DTNB: variants seen among roughly 807,000 people sequenced by gnomAD.
The protein encoded by DTNB is DTN-B.
DTNB carries 63 observed loss-of-function variants against 90.7 expected under a neutral mutation model. That is an observed-to-expected ratio of 0.69 (90% CI 0.57 to 0.86). The LOEUF (loss-of-function observed/expected upper bound fraction) is 0.86, where lower values mean the gene tolerates loss of function less well. Ranked by LOEUF, DTNB falls within the 40% of genes least tolerant of loss-of-function variation. The pLI is 0.00. For missense variants in DTNB, 744 were observed against 807.1 expected (o/e 0.92, Z 0.95); for synonymous variants, 277 against 286.7 (o/e 0.97, Z 0.34).
chr2:25,382,033 C>T (rs1573608736), intron 19 of DTNB, among the ~76,000 whole-genome samples: 1 of 152,246 alleles, frequency 6.6e-6, no homozygotes, highest in African/African-American at 2.4e-5. Flanking sequence ...CTTAGTCTAC[C>T]AGTTCAGCTC....
chr2:25,659,366 T>C (rs773461088), intron 1 of DTNB, among the ~76,000 whole-genome samples: 9 of 151,904 alleles, frequency 5.9e-5, no homozygotes, highest in Non-Finnish European at 1.3e-4. Context: ...CAGTAACAAA[T>C]TCAAAAGAAT....
intron 10 of DTNB, among the ~76,000 whole-genome samples, chr2:25,472,605 C>T (rs527840525): frequency 7.2e-5 from 11 of 152,238 alleles, no homozygotes; most frequent in South Asian, 6.2e-4. Context: ...AAAATTAGGC[C>T]GGGTGCAGTG....
At chr2:25,667,940 G>A (rs1574269051) in intron 1 of DTNB, among the ~76,000 whole-genome samples, 1 of 152,094 alleles carries the variant, frequency 6.6e-6, no homozygotes. Flanking sequence ...ATCATTCGGC[G>A]CTAAAAAGAA....
intron 16 of DTNB, among the ~76,000 whole-genome samples, chr2:25,412,855 T>C (rs2046938792): frequency 6.6e-6 from 1 of 152,128 alleles, no homozygotes; most frequent in South Asian, 2.1e-4. Flanking sequence ...GGGATATTGT[T>C]TGATTGAGGC....
rs1445005692 is a variant in DTNB, at chr2:25,452,944, G to A, written c.1170-1309C>T. Among the ~76,000 whole-genome samples the A allele has an allele frequency of 3.3e-5, 5 of 151,938 alleles. No homozygotes were observed. In the South Asian group the frequency reaches 1.0e-3, roughly 31 times the overall value. ...AATAAGAACAGACTACTATTAGGCG[G>A]CTTTAATATTTTAGGGTCAAGGCCC... On this transcript the variant is annotated intron_variant, in intron 11 of 20. Transcript: ENST00000406818.
chr2:25,506,247 T>C (rs1328711252), intron 9 of DTNB, among the ~76,000 whole-genome samples: 2 of 152,134 alleles, frequency 1.3e-5, no homozygotes, highest in Non-Finnish European at 2.9e-5. Context: ...GGGGTGACTA[T>C]AGTTAACAAT....
Position 25,449,651 on chromosome 2 carries a change from A to T in DTNB, c.1257+1897T>A, listed in dbSNP as rs968209446. ...TGTTCAAGTCTTTTGCTCATTTTTT[A>T]AAAAAGGCTTGTCTTTTTATTGCTG... On this transcript the variant is annotated intron_variant, in intron 12 of 20. Transcript: ENST00000406818. Among the ~76,000 whole-genome samples, 14 of 152,228 alleles carry T rather than the reference A, an allele frequency of 9.2e-5. No homozygotes were observed. In the South Asian group the frequency reaches 1.7e-3, roughly 18 times the overall value.
intron 16 of DTNB, among the ~76,000 whole-genome samples, chr2:25,405,399 G>A (rs1436051829): frequency 1.3e-5 from 2 of 152,116 alleles, no homozygotes; most frequent in Non-Finnish European, 2.9e-5. Context: ...AAATTAGCTG[G>A]TTGTGGCTGC....
At chr2:25,516,003 G>C (rs1271974720) in intron 9 of DTNB, among the ~76,000 whole-genome samples, 1 of 152,214 alleles carries the variant, frequency 6.6e-6, no homozygotes, top group South Asian at 2.1e-4. Context: ...TTTTTAAGTA[G>C]GCAAAATATC....
rs2082613493 is a variant in DTNB, at chr2:25,658,982, C to CG, written c.-1-6322dup. On this transcript the variant is annotated intron_variant, in intron 1 of 20. Coordinates refer to ENST00000406818, the MANE Select transcript of DTNB (RefSeq NM_021907.5). Reference sequence around the variant, plus strand: ...TCATTATTGTTGTCCAGGCTGGTCTCGAACTCCTGGGCTCAAGCAATCGTC... The same window carrying CG: ...TCATTATTGTTGTCCAGGCTGGTCTCGGAACTCCTGGGCTCAAGCAATCGTC... Among the ~76,000 whole-genome samples the CG allele has an allele frequency of 2.0e-5, 3 of 151,932 alleles. No individual in the cohort carries two copies. The South Asian group carries it at 6.2e-4, about 32-fold the overall frequency.
chr2:25,451,782 T>C (rs2059327589), intron 11 of DTNB, 147 bp from the exon 12 acceptor site: 2 of 727,094 alleles, frequency 2.8e-6, no homozygotes, highest in Admixed American at 4.0e-5. Flanking sequence ...AATGGTCTTC[T>C]GAAAAAAAGG....
intron 15 of DTNB, among the ~76,000 whole-genome samples, chr2:25,420,262 CTTTTTTTTTT>C (rs56815083): frequency 4.7e-5 from 3 of 63,908 alleles, no homozygotes; most frequent in Non-Finnish European, 6.7e-5. Flanking sequence ...CAGGCACAGT[CTTTTTTTTTT>C]TTTTTTTTTT....
intron 8 of DTNB, among the ~76,000 whole-genome samples, chr2:25,554,207 A>C (rs2056883377): frequency 6.6e-6 from 1 of 152,228 alleles, no homozygotes; most frequent in African/African-American, 2.4e-5. Flanking sequence ...GGCTGTCATC[A>C]ATTTAGCCTG....
intron 9 of DTNB, 116 bp from the exon 10 acceptor site, chr2:25,482,989 CGG>C: frequency 9.9e-7 from 1 of 1,013,322 alleles, no homozygotes; most frequent in Non-Finnish European, 1.3e-6. Context: ...TAAGCACAGA[CGG>C]ACCCATGGGG....
chr2:25,401,297 G>A (rs1409079797), intron 16 of DTNB, among the ~76,000 whole-genome samples: 1 of 152,226 alleles, frequency 6.6e-6, no homozygotes, highest in Non-Finnish European at 1.5e-5. Context: ...GTAAGGAAAT[G>A]TGAGAAAGGA....
intron 8 of DTNB, among the ~76,000 whole-genome samples, chr2:25,544,868 T>C (rs994633624): frequency 1.3e-5 from 2 of 152,254 alleles, no homozygotes; most frequent in African/African-American, 2.4e-5. Flanking sequence ...CCTCAAATTA[T>C]TTTTTGCTCA....
At chr2:25,533,388 A>G (rs1341084700) in intron 8 of DTNB, among the ~76,000 whole-genome samples, 2 of 152,204 alleles carry the variant, frequency 1.3e-5, no homozygotes, top group Non-Finnish European at 2.9e-5. Context: ...TCCTGAAAGT[A>G]TATAAAACGA....
At chr2:25,412,942 C>T (rs532915657) in intron 16 of DTNB, among the ~76,000 whole-genome samples, 1 of 152,204 alleles carries the variant, frequency 6.6e-6, no homozygotes, top group Non-Finnish European at 1.5e-5. Context: ...TCTCTGGTGA[C>T]CCTAGTGTCC....
intron 3 of DTNB, among the ~76,000 whole-genome samples, chr2:25,638,198 G>A (rs1165997491): frequency 1.3e-5 from 2 of 152,142 alleles, no homozygotes; most frequent in Admixed American, 6.5e-5. Flanking sequence ...ATCACACACC[G>A]GGGCCTGTCA....
Sources: gnomAD v4.1 joint callset for allele counts (sites outside exome capture counted in the v4.1 genomes callset) on GRCh38, gnomAD v4.1.1 for gene constraint, MANE v1.5 for transcripts, NCBI Gene and HGNC (gene_info 2026-07-23, HGNC 2026-07-21) for gene names.